The following BRINP3 variants were observed in gnomAD, a reference collection of about 807,000 sequenced individuals.
BRINP3 encodes BMP/retinoic acid-inducible neural-specific protein 3.
A neutral mutation model predicts 71.0 loss-of-function variants in BRINP3; 19 were observed. The ratio of observed to expected loss-of-function variants is 0.27; its 90% CI spans 0.19 to 0.39. The LOEUF (loss-of-function observed/expected upper bound fraction) is 0.39, where lower values mean the gene tolerates loss of function less well. Ranked by LOEUF, BRINP3 falls within the 10% of genes least tolerant of loss-of-function variation. BRINP3 has a pLI of 1.00. For synonymous variants in BRINP3, 380 were observed against 337.7 expected (o/e 1.13, Z -1.37); for missense variants, 959 against 940.8 (o/e 1.02, Z -0.25).
intron 4 of BRINP3, among the ~76,000 whole-genome samples, chr1:190,236,791 G>C (rs1658562886): frequency 6.6e-6 from 1 of 151,920 alleles, no homozygotes; most frequent in Non-Finnish European, 1.5e-5. Flanking sequence ...AAGCATCAAA[G>C]AGAATACTTA....
chr1:190,114,135 A>C (rs1652923857), intron 7 of BRINP3, among the ~76,000 whole-genome samples: 1 of 152,000 alleles, frequency 6.6e-6, no homozygotes, highest in Non-Finnish European at 1.5e-5. Flanking sequence ...TTGTCATGGA[A>C]TCTGGCCCTG....
chr1:190,235,517 G>A (rs1658430758), intron 4 of BRINP3, among the ~76,000 whole-genome samples: 2 of 151,970 alleles, frequency 1.3e-5, no homozygotes, highest in African/African-American at 4.8e-5. Context: ...TACTTAGGGT[G>A]TGACTTAGAG....
intron 3 of BRINP3, among the ~76,000 whole-genome samples, chr1:190,279,879 A>G (rs189441847): frequency 9.5e-4 from 145 of 151,984 alleles, no homozygotes; most frequent in Admixed American, 9.5e-3. Context: ...ATGTTTACAT[A>G]TATCTAGTTA....
intron 7 of BRINP3, among the ~76,000 whole-genome samples, chr1:190,099,467 C>T (rs956846692): frequency 3.3e-5 from 5 of 151,978 alleles, no homozygotes; most frequent in African/African-American, 7.3e-5. Context: ...CATGGAAGAC[C>T]ATTGTAAATA....
intron 6 of BRINP3, among the ~76,000 whole-genome samples, chr1:190,164,118 A>G (rs1047691093): frequency 3.3e-5 from 5 of 152,134 alleles, no homozygotes; most frequent in African/African-American, 1.2e-4. Flanking sequence ...ACTCAGATAC[A>G]TACCCCCGAT....
At chr1:190,154,654 T>C (rs1656707324) in intron 7 of BRINP3, among the ~76,000 whole-genome samples, 1 of 152,156 alleles carries the variant, frequency 6.6e-6, no homozygotes, top group African/African-American at 2.4e-5. Context: ...ATGTTCATTT[T>C]GAAGCATTTA....
chr1:190,211,393 C>T (rs185750784), intron 6 of BRINP3, among the ~76,000 whole-genome samples: 33 of 152,178 alleles, frequency 2.2e-4, no homozygotes, highest in Middle Eastern at 3.4e-3. Context: ...GATCTTTAGA[C>T]TGTGCCTATT....
At chr1:190,176,009 T>C (rs898176815) in intron 6 of BRINP3, among the ~76,000 whole-genome samples, 7 of 152,164 alleles carry the variant, frequency 4.6e-5, no homozygotes, top group Non-Finnish European at 1.5e-5. Flanking sequence ...TTTGTTTTGT[T>C]TTGTTTTACT....
At chr1:190,456,864 A>T (rs572054032) in intron 1 of BRINP3, among the ~76,000 whole-genome samples, 1 of 152,300 alleles carries the variant, frequency 6.6e-6, no homozygotes, top group African/African-American at 2.4e-5. Flanking sequence ...TATTACATAT[A>T]TCATCTGAAA....
At chr1:190,141,684 C>T (rs1162375146) in intron 7 of BRINP3, among the ~76,000 whole-genome samples, 1 of 150,516 alleles carries the variant, frequency 6.6e-6, no homozygotes, top group Non-Finnish European at 1.5e-5. Context: ...CCTCAGCCTC[C>T]TAAGTAGCTG....
At chr1:190,241,969 T>G (rs1405931493) in intron 4 of BRINP3, among the ~76,000 whole-genome samples, 1 of 151,710 alleles carries the variant, frequency 6.6e-6, no homozygotes, top group Non-Finnish European at 1.5e-5. Context: ...AATTTTACCA[T>G]TTAATATTTT....
At chr1:190,372,271 C>T (rs779363730) in intron 2 of BRINP3, among the ~76,000 whole-genome samples, 6 of 152,132 alleles carry the variant, frequency 3.9e-5, no homozygotes, top group Non-Finnish European at 8.8e-5. Context: ...AAGCTCAAAG[C>T]GAGTGACCAT....
intron 7 of BRINP3, among the ~76,000 whole-genome samples, chr1:190,125,768 A>G (rs1654037899): frequency 6.6e-6 from 1 of 151,998 alleles, no homozygotes; most frequent in Non-Finnish European, 1.5e-5. Flanking sequence ...AACATTTGGT[A>G]CCTATAGTGA....
intron 2 of BRINP3, among the ~76,000 whole-genome samples, chr1:190,387,185 A>G (rs1207130066): frequency 1.3e-5 from 2 of 152,020 alleles, no homozygotes; most frequent in Non-Finnish European, 2.9e-5. Flanking sequence ...AATAAATTTT[A>G]AAGGCTAAAT....
At chr1:190,295,810 TC>T (rs1664205245) in intron 2 of BRINP3, among the ~76,000 whole-genome samples, 1 of 152,122 alleles carries the variant, frequency 6.6e-6, no homozygotes, top group South Asian at 2.1e-4. Flanking sequence ...CACACTGCTC[TC>T]CCTGGTATCA....
chr1:190,159,781 T>G (rs199904079), intron 7 of BRINP3, among the ~76,000 whole-genome samples: 1 of 147,460 alleles, frequency 6.8e-6, no homozygotes, highest in Non-Finnish European at 1.5e-5. Context: ...GGTTGCATAG[T>G]TTTTTTTTTA....
chr1:190,369,255 T>C (rs955522773), intron 2 of BRINP3, among the ~76,000 whole-genome samples: 1 of 152,180 alleles, frequency 6.6e-6, no homozygotes, highest in African/African-American at 2.4e-5. Context: ...TGCGAATAGG[T>C]AATCTCTAGA....
intron 3 of BRINP3, among the ~76,000 whole-genome samples, chr1:190,268,601 A>G (rs1661847350): frequency 6.6e-6 from 1 of 152,152 alleles, no homozygotes; most frequent in Non-Finnish European, 1.5e-5. Flanking sequence ...GTGTCAGAAA[A>G]AACACTTAAA....
intron 2 of BRINP3, among the ~76,000 whole-genome samples, chr1:190,344,967 T>C (rs1571811266): frequency 6.6e-6 from 1 of 151,926 alleles, no homozygotes; most frequent in African/African-American, 2.4e-5. Flanking sequence ...GGCTTTAATA[T>C]AATTGTATTG....
Sources: gnomAD v4.1 joint callset for allele counts (sites outside exome capture counted in the v4.1 genomes callset) on GRCh38, gnomAD v4.1.1 for gene constraint, MANE v1.5 for transcripts, NCBI Gene and HGNC (gene_info 2026-07-23, HGNC 2026-07-21) for gene names.